Variants in SEMA7A observed in about 807,000 individuals in gnomAD.
The protein encoded by SEMA7A is semaphorin 7A (JohnMiltonHagen blood group), also known as semaphorin-7A.
A neutral mutation model predicts 67.5 loss-of-function variants in SEMA7A; 21 were observed. The ratio of observed to expected loss-of-function variants is 0.31; its 90% CI spans 0.22 to 0.45. The LOEUF is 0.45. Ranked by LOEUF, SEMA7A falls within the 20% of genes least tolerant of loss-of-function variation. The pLI, the probability that SEMA7A is intolerant of heterozygous loss-of-function variation, is 1.00. For missense variants in SEMA7A, 774 were observed against 908.6 expected (o/e 0.85, Z 1.90); for synonymous variants, 364 against 368.5 (o/e 0.99, Z 0.14).
At chr15:74,422,761 G>A (rs1030092942) in intron 1 of SEMA7A, among the ~76,000 whole-genome samples, 3 of 152,246 alleles carry the variant, frequency 2.0e-5, no homozygotes, top group African/African-American at 7.2e-5. Flanking sequence ...CCCAGCAGCT[G>A]ACCGACTGTG....
chr15:74,412,881 G>C (rs1456202603), intron 10 of SEMA7A, among the ~76,000 whole-genome samples: 1 of 152,162 alleles, frequency 6.6e-6, no homozygotes, highest in Non-Finnish European at 1.5e-5. Flanking sequence ...TAAATCAAGA[G>C]TTCCCAAGGT....
intron 1 of SEMA7A, among the ~76,000 whole-genome samples, chr15:74,420,927 A>G (rs1266105469): frequency 6.6e-6 from 1 of 152,172 alleles, no homozygotes; most frequent in Non-Finnish European, 1.5e-5. Context: ...CAAAGCAGAA[A>G]AGTTCTAGCC....
intron 1 of SEMA7A, among the ~76,000 whole-genome samples, chr15:74,433,352 T>C (rs1163447184): frequency 6.6e-6 from 1 of 150,516 alleles, no homozygotes; most frequent in East Asian, 2.0e-4. Flanking sequence ...AAAAGGAGGG[T>C]ACCCGGGTTG....
At position 74,414,837 on chromosome 15, in the gene SEMA7A, C is replaced by A; in HGVS notation, c.1095+1G>T. ...TGGGCCACGGCTGGTGTCACGCTCA[C>A]CTTGCCAGGCCGCGGGTTGGGAAGG... is the stretch of plus-strand genomic sequence containing the variant. On this transcript the variant is annotated splice_donor_variant, in intron 9 of 13. Coordinates refer to ENST00000261918, the MANE Select transcript of SEMA7A (RefSeq NM_003612.5). LOFTEE classifies it high-confidence loss of function. This position sits in a 1 kb window ranked among gnomAD's most constrained non-coding sequence, Gnocchi z 4.1. 1 of 1,614,192 alleles carries A rather than the reference C, an allele frequency of 6.2e-7. No homozygotes were observed. Among genetic ancestry groups the A allele is most frequent in the Non-Finnish European group, 8.5e-7 (1 of 1,180,014 alleles).
chr15:74,416,801 G>A (rs967071484), intron 6 of SEMA7A, 87 bp from the exon 7 acceptor site: 15 of 1,442,310 alleles, frequency 1.0e-5, no homozygotes, highest in South Asian at 2.5e-5. Flanking sequence ...TCCCTCCTTC[G>A]GGTCTGCACA....
Position 74,414,565 on chromosome 15 carries a change from C to T in SEMA7A, c.1276G>A (p.Val426Met), listed in dbSNP as rs1396121918. ...MQASHGETFH[V>M]LYLTTDRGTI... ...CTCTCACCTGTAGTTAGGTAAAGCA[C>T]ATGAAAGGTCTCCCCGTGGCTGGCT... Residue 426 changes from valine (V) to methionine (M), a missense_variant, in exon 10 of 14, where the codon GTG becomes ATG. By Grantham distance (21) the Val-to-Met change is conservative. This residue lies in a region of SEMA7A where 427 missense variants were observed against 555.4 expected (regional missense o/e 0.77). Coordinates refer to ENST00000261918, the MANE Select transcript of SEMA7A (RefSeq NM_003612.5). The surrounding 1 kb of genome is among the most constrained non-coding windows in gnomAD (Gnocchi z 4.1). 1.2e-6 allele frequency: 2 copies of T among 1,614,248 alleles called. No homozygotes were observed. Among genetic ancestry groups the T allele is most frequent in the South Asian group, 2.2e-5 (2 of 91,088 alleles).
chr15:74,421,760 G>T lies in SEMA7A; in HGVS notation c.179-2808C>A, dbSNP rs143937740. On this transcript the variant is annotated intron_variant, in intron 1 of 13. Coordinates refer to ENST00000261918, the MANE Select transcript of SEMA7A (RefSeq NM_003612.5). ...TTTGTTCAGGTTGGCAGGAGCGGGG[G>T]CTGGGGGCTAAGGGGCAGGAGGGCT... 1.4e-3 allele frequency among the ~76,000 whole-genome samples: 216 copies of T among 152,336 alleles called. 4 individuals are homozygous for T. The highest frequency in any genetic ancestry group is 1.6e-3 in the Non-Finnish European group (111 of 68,028).
In SEMA7A at chr15:74,415,928, C is replaced by A. The variant is rs865847465; in HGVS notation, c.859G>T (p.Ala287Ser). Residue 287 changes from alanine to serine, a missense_variant, in exon 8 of 14, where the codon GCC (alanine) becomes TCC (serine). Coordinates refer to ENST00000261918, the MANE Select transcript of SEMA7A (RefSeq NM_003612.5). ...GCAGCATCACTGCATACCAGCATGG[C>A]TTTCAGAAAAGTGTTCCACTTGGAG... ...SVSKWNTFLK[A>S]MLVCSDAATN... 1 of 1,614,142 alleles carries A rather than the reference C, an allele frequency of 6.2e-7. No individual in the cohort carries two copies. Among genetic ancestry groups the A allele is most frequent in the South Asian group, 1.1e-5 (1 of 91,086 alleles).
intron 1 of SEMA7A, among the ~76,000 whole-genome samples, chr15:74,433,127 C>T (rs2061104678): frequency 6.6e-6 from 1 of 152,118 alleles, no homozygotes; most frequent in South Asian, 2.1e-4. Context: ...TGAGGCAGCG[C>T]CCTGGTACCC....
chr15:74,427,030 CCCTGGATTGA>C (rs932782178), intron 1 of SEMA7A, among the ~76,000 whole-genome samples: 1 of 152,240 alleles, frequency 6.6e-6, no homozygotes, highest in African/African-American at 2.4e-5. Context: ...GTTCTCCCCT[CCCTGGATTGA>C]CCTTCCTCCT....
rs1567072312 is a variant in SEMA7A, at chr15:74,415,994, G to T, written c.802-9C>A. On this transcript the variant is annotated splice_polypyrimidine_tract_variant and intron_variant, in intron 7 of 13. Transcript: ENST00000261918. ...TCCCCACCCTGGTCCCCCTGGAAGG[G>T]TAGAGGGGAGAAGAGGCCCCTCAGC... The T allele has an allele frequency of 1.2e-6, 2 of 1,613,222 alleles. No homozygotes were observed. The highest frequency in any genetic ancestry group is 8.5e-7 in the Non-Finnish European group (1 of 1,179,344).
intron 10 of SEMA7A, among the ~76,000 whole-genome samples, chr15:74,412,556 C>T (rs1287696045): frequency 1.3e-5 from 2 of 152,090 alleles, no homozygotes; most frequent in African/African-American, 2.4e-5. Flanking sequence ...ACTTTAAATA[C>T]ATTTTTTTTT....
chr15:74,416,516 C>T (rs1007344573), intron 7 of SEMA7A, 59 bp downstream of exon 7: 2 of 1,576,912 alleles, frequency 1.3e-6, no homozygotes, highest in Non-Finnish European at 8.7e-7. Context: ...AGAACTCACC[C>T]TCACTCAGGC....
chr15:74,430,525 C>A (rs763204590), intron 1 of SEMA7A, among the ~76,000 whole-genome samples: 10 of 152,192 alleles, frequency 6.6e-5, no homozygotes, highest in Non-Finnish European at 1.3e-4. Context: ...AGCTCTCTCC[C>A]CTATACCATG....
intron 1 of SEMA7A, among the ~76,000 whole-genome samples, chr15:74,421,392 C>T (rs1398922899): frequency 1.3e-5 from 2 of 152,178 alleles, no homozygotes; most frequent in African/African-American, 4.8e-5. Flanking sequence ...CCCGGACAAT[C>T]CCATGCGGAT....
intron 1 of SEMA7A, among the ~76,000 whole-genome samples, chr15:74,420,944 C>T (rs1300823309): frequency 6.6e-6 from 1 of 152,248 alleles, no homozygotes; most frequent in African/African-American, 2.4e-5. Flanking sequence ...AGCCGTCAGA[C>T]TGTGCTAGCC....
chr15:74,418,779 T>C lies in SEMA7A; in HGVS notation c.330+22A>G, dbSNP rs776009474. ...GGGAGATAAGAGGGTAGGGGGGGTG[T>C]TGGGGGAAGAGAGAGGCTCACCGTG... On this transcript the variant is annotated intron_variant, in intron 2 of 13. Transcript: ENST00000261918. The C allele has an allele frequency of 1.4e-5, 23 of 1,608,180 alleles. No homozygotes were observed. The East Asian group carries it at 2.5e-4, about 17-fold the overall frequency.
intron 1 of SEMA7A, among the ~76,000 whole-genome samples, chr15:74,431,332 G>C (rs1174444745): frequency 6.6e-6 from 1 of 152,226 alleles, no homozygotes; most frequent in East Asian, 1.9e-4. Context: ...CCTGAGCTAC[G>C]CTGTGCCAGA....
intron 8 of SEMA7A, 99 bp from the exon 9 acceptor site, chr15:74,415,045 C>A (rs1293095946): frequency 4.4e-6 from 4 of 915,910 alleles, no homozygotes; most frequent in African/African-American, 1.6e-5. Flanking sequence ...GAGTTGCCAA[C>A]CACCACTGAA....
Sources: gnomAD v4.1 joint callset for allele counts (sites outside exome capture counted in the v4.1 genomes callset) on GRCh38, gnomAD v4.1.1 for gene constraint, gnomAD v4.1.1 regional missense constraint, Gnocchi (gnomAD v3.1) non-coding constraint, MANE v1.5 for transcripts, NCBI Gene and HGNC (gene_info 2026-07-23, HGNC 2026-07-21) for gene names.